Variants in PTPRD observed in about 807,000 individuals in gnomAD.
PTPRD encodes receptor-type tyrosine-protein phosphatase delta.
PTPRD carries 34 observed loss-of-function variants against 214.5 expected under a neutral mutation model. The ratio of observed to expected loss-of-function variants is 0.16; its 90% CI spans 0.12 to 0.21. The LOEUF is 0.21. Ranked by LOEUF, PTPRD falls within the 10% of genes least tolerant of loss-of-function variation. The probability of loss-of-function intolerance (pLI) is 1.00; values close to 1 mark genes in which losing one functional copy is unlikely to be tolerated. For synonymous variants in PTPRD, 1,128 were observed against 845.7 expected (o/e 1.33, Z -5.79); for missense variants, 2,545 against 2,398.7 (o/e 1.06, Z -1.27).
rs200142612 is a variant in PTPRD, at chr9:8,948,406, AATATATAT to A, written c.-104+70283_-104+70290del. Among the ~76,000 whole-genome samples the A allele has an allele frequency of 2.3e-4, 13 of 57,126 alleles. 1 individual carries two copies. The highest frequency in any genetic ancestry group is 6.7e-4 in the African/African-American group (10 of 15,020). 37.5% of individuals were successfully genotyped at this position (57,126 alleles called of 152,430 possible). On this transcript the variant is annotated intron_variant, in intron 11 of 45. Transcript: ENST00000381196. ...TTATTGGTATGTCCATTGGGTTTAA[AATATATAT>A]ATATATATATTTATATATATATTTA...
chr9:8,543,160 A>G (rs2078930768), intron 14 of PTPRD, among the ~76,000 whole-genome samples: 2 of 152,356 alleles, frequency 1.3e-5, no homozygotes, highest in Admixed American at 6.5e-5. Flanking sequence ...GATACTCAGA[A>G]GCGATGTAAT....
intron 5 of PTPRD, among the ~76,000 whole-genome samples, chr9:9,858,654 C>T (rs913224637): frequency 6.6e-6 from 1 of 152,098 alleles, no homozygotes; most frequent in Non-Finnish European, 1.5e-5. Context: ...GGTAAACAAA[C>T]TTCTGGCTTA....
At chr9:9,928,791 T>C (rs996777720) in intron 5 of PTPRD, among the ~76,000 whole-genome samples, 2 of 103,396 alleles carry the variant, frequency 1.9e-5, no homozygotes, top group East Asian at 8.0e-4. Context: ...CACACACAAT[T>C]TGCATTTTGG....
At chr9:10,519,892 C>T (rs1045056008) in intron 2 of PTPRD, among the ~76,000 whole-genome samples, 9 of 152,030 alleles carry the variant, frequency 5.9e-5, no homozygotes, top group East Asian at 1.9e-4. Flanking sequence ...TGCATCCCCC[C>T]ATCAATTTCC....
intron 7 of PTPRD, among the ~76,000 whole-genome samples, chr9:9,576,644 G>A (rs2088926098): frequency 6.6e-6 from 1 of 152,102 alleles, no homozygotes; most frequent in African/African-American, 2.4e-5. Flanking sequence ...ATGTTAAAAG[G>A]TTGAGTATTA....
In PTPRD at chr9:10,384,781, C is replaced by A. The variant is rs538378561; in HGVS notation, c.-599-43764G>T. 8.2e-3 allele frequency among the ~76,000 whole-genome samples: 1,105 copies of A among 135,294 alleles called. 6 individuals carry two copies. Among genetic ancestry groups the A allele is most frequent in the Non-Finnish European group, 0.012 (744 of 61,844 alleles). 88.8% of individuals were successfully genotyped at this position (135,294 alleles called of 152,430 possible). On this transcript the variant is annotated intron_variant, in intron 2 of 45. Transcript: ENST00000381196. Reference sequence around the variant, plus strand: ...CTCTAAATTTGTCAGAAAAAAAAAACCTCCTTCTCCATCTTAAAGAGGTAC... The same window carrying A: ...CTCTAAATTTGTCAGAAAAAAAAAAACTCCTTCTCCATCTTAAAGAGGTAC...
At chr9:9,457,353 A>G (rs999923879) in intron 8 of PTPRD, among the ~76,000 whole-genome samples, 4 of 152,074 alleles carry the variant, frequency 2.6e-5, no homozygotes, top group South Asian at 4.1e-4. Flanking sequence ...CAGATTTATC[A>G]AAGTCCTCTC....
At chr9:9,581,053 A>G (rs191967516) in intron 7 of PTPRD, among the ~76,000 whole-genome samples, 1 of 152,248 alleles carries the variant, frequency 6.6e-6, no homozygotes, top group Non-Finnish European at 1.5e-5. Context: ...ATTTTAGTCA[A>G]TTTAGAAAGA....
chr9:9,038,906 T>C (rs1454665147), intron 10 of PTPRD, among the ~76,000 whole-genome samples: 2 of 152,144 alleles, frequency 1.3e-5, no homozygotes, highest in Non-Finnish European at 2.9e-5. Context: ...AGGAAGGTTT[T>C]TTGTTGTTTG....
At chr9:8,639,263 A>C (rs995537119) in intron 12 of PTPRD, among the ~76,000 whole-genome samples, 1 of 152,250 alleles carries the variant, frequency 6.6e-6, no homozygotes, top group African/African-American at 2.4e-5. Context: ...CTGCTGTTTC[A>C]AACAATGCAA....
chr9:8,885,287 C>G (rs2098477574), intron 11 of PTPRD, among the ~76,000 whole-genome samples: 1 of 152,066 alleles, frequency 6.6e-6, no homozygotes, highest in Admixed American at 6.6e-5. Flanking sequence ...GACCAATCAT[C>G]CATTTTCCTG....
At chr9:9,699,489 G>A (rs567430675) in intron 7 of PTPRD, among the ~76,000 whole-genome samples, 9 of 152,238 alleles carry the variant, frequency 5.9e-5, no homozygotes, top group Non-Finnish European at 1.3e-4. Flanking sequence ...GCACAGGGGT[G>A]TATGTGTCTG....
intron 9 of PTPRD, among the ~76,000 whole-genome samples, chr9:9,286,165 T>C (rs1949291589): frequency 1.3e-5 from 2 of 152,014 alleles, no homozygotes; most frequent in East Asian, 2.0e-4. Context: ...TTGGTCATAA[T>C]AGCCAATTAA....
intron 6 of PTPRD, among the ~76,000 whole-genome samples, chr9:9,756,099 G>T (rs1391576560): frequency 6.6e-6 from 1 of 151,854 alleles, no homozygotes. Context: ...GAGGATATCT[G>T]GAAAACTCCC....
intron 4 of PTPRD, among the ~76,000 whole-genome samples, chr9:10,003,398 T>C (rs2096383589): frequency 6.6e-6 from 1 of 151,824 alleles, no homozygotes; most frequent in Non-Finnish European, 1.5e-5. Flanking sequence ...TTTTAGAAGA[T>C]AATTTGAAGT....
At chr9:9,226,697 T>C (rs2099959699) in intron 9 of PTPRD, among the ~76,000 whole-genome samples, 2 of 152,096 alleles carry the variant, frequency 1.3e-5, no homozygotes, top group South Asian at 4.1e-4. Context: ...GATAAGTACT[T>C]TGACTATCTC....
At chr9:8,852,512 G>A (rs2097840324) in intron 11 of PTPRD, among the ~76,000 whole-genome samples, 1 of 152,170 alleles carries the variant, frequency 6.6e-6, no homozygotes, top group African/African-American at 2.4e-5. Context: ...GCCAAAGTGG[G>A]GACCTGCCAC....
intron 30 of PTPRD, among the ~76,000 whole-genome samples, chr9:8,479,627 A>C (rs1196010085): frequency 6.6e-6 from 1 of 152,222 alleles, no homozygotes; most frequent in Non-Finnish European, 1.5e-5. Flanking sequence ...AATGAAACTA[A>C]AGTTTACCAC....
intron 32 of PTPRD, among the ~76,000 whole-genome samples, chr9:8,465,172 C>G (rs1464681342): frequency 6.6e-6 from 1 of 151,894 alleles, no homozygotes; most frequent in African/African-American, 2.4e-5. Flanking sequence ...GGTTCTAACA[C>G]CATGATATTT....
Sources: allele counts gnomAD v4.1 joint callset (sites outside exome capture counted in the v4.1 genomes callset), GRCh38; gene constraint gnomAD v4.1.1; transcripts MANE v1.5; gene names NCBI Gene and HGNC (gene_info 2026-07-23, HGNC 2026-07-21).